GLRX3: variants seen among roughly 807,000 people sequenced by gnomAD.
GLRX3 encodes the protein glutaredoxin 3, also known as glutaredoxin-3.
Under a neutral mutation model 49.5 loss-of-function variants are expected in GLRX3, and 22 were observed. That is an observed-to-expected ratio of 0.44 (90% CI 0.32 to 0.63). The LOEUF (loss-of-function observed/expected upper bound fraction) is 0.63, where lower values mean the gene tolerates loss of function less well. Ranked by LOEUF, GLRX3 falls within the 30% of genes least tolerant of loss-of-function variation. The probability of loss-of-function intolerance (pLI) is 0.05; values close to 1 mark genes in which losing one functional copy is unlikely to be tolerated. For missense variants in GLRX3, 385 were observed against 396.3 expected (o/e 0.97, Z 0.24); for synonymous variants, 133 against 140.0 (o/e 0.95, Z 0.35).
chr10:130,177,392 G>T (rs1862944076), intron 10 of GLRX3, among the ~76,000 whole-genome samples: 1 of 152,152 alleles, frequency 6.6e-6, no homozygotes, highest in Non-Finnish European at 1.5e-5. Context: ...CCACCTGCCG[G>T]CTCGCATTAA....
At position 130,145,302 on chromosome 10, in the gene GLRX3, C is replaced by G. The variant is rs1381719419; in HGVS notation, c.184C>G (p.Gln62Glu). The G allele has an allele frequency of 7.0e-7, 1 of 1,438,398 alleles. No homozygotes were observed. The highest frequency in any genetic ancestry group is 1.7e-5 in the Admixed American group (1 of 59,770). 89.1% of individuals were successfully genotyped at this position (1,438,398 alleles called of 1,614,324 possible). The change falls in exon 2 of 11, where the codon CAA (glutamine) becomes GAA (glutamate). Residue 62 changes from glutamine to glutamate, a missense_variant. Physicochemically the swap from Gln to Glu is conservative, Grantham distance 29. Transcript: ENST00000331244. ...VMAELAKELP[Q>E]VSFVKLEAEG... ...GGCAGAGTTAGCTAAAGAACTCCCTCAAGTTTCATTTGTGAAGGTATTTAT... is the reference window on the plus strand; with the variant it reads ...GGCAGAGTTAGCTAAAGAACTCCCTGAAGTTTCATTTGTGAAGGTATTTAT...
intron 2 of GLRX3, among the ~76,000 whole-genome samples, chr10:130,152,595 G>T (rs1022087883): frequency 6.6e-6 from 1 of 152,130 alleles, no homozygotes; most frequent in Non-Finnish European, 1.5e-5. Context: ...GAAATTCTGG[G>T]TTGAAAATTC....
chr10:130,169,796 T>C (rs1166294245), intron 7 of GLRX3, among the ~76,000 whole-genome samples: 2 of 152,258 alleles, frequency 1.3e-5, no homozygotes, highest in African/African-American at 4.8e-5. Context: ...TGTTTGAGTT[T>C]GTGGACTGCT....
chr10:130,160,612 G>T (rs762340111), intron 3 of GLRX3, among the ~76,000 whole-genome samples, 184 bp from the exon 4 acceptor site: 2 of 152,112 alleles, frequency 1.3e-5, no homozygotes, highest in Non-Finnish European at 2.9e-5. Context: ...TGTTTTCTCA[G>T]TGTGTTTCTG....
At chr10:130,170,439 C>T (rs1862782332) in intron 7 of GLRX3, among the ~76,000 whole-genome samples, 1 of 152,062 alleles carries the variant, frequency 6.6e-6, no homozygotes, top group African/African-American at 2.4e-5. Context: ...AATTAGTTAA[C>T]ATAACTGGTT....
intron 2 of GLRX3, among the ~76,000 whole-genome samples, chr10:130,146,722 G>C (rs1422789121): frequency 6.6e-6 from 1 of 152,126 alleles, no homozygotes; most frequent in African/African-American, 2.4e-5. Context: ...TTTAAAACAA[G>C]AATCTGTGAG....
intron 7 of GLRX3, among the ~76,000 whole-genome samples, 186 bp downstream of exon 7, chr10:130,169,676 A>G (rs113808921): frequency 3.3e-5 from 5 of 152,252 alleles, no homozygotes; most frequent in African/African-American, 1.2e-4. Flanking sequence ...TGACTTTATC[A>G]TCAACATCTC....
At chr10:130,147,584 C>G (rs1862293147) in intron 2 of GLRX3, among the ~76,000 whole-genome samples, 1 of 152,210 alleles carries the variant, frequency 6.6e-6, no homozygotes, top group Non-Finnish European at 1.5e-5. Flanking sequence ...GGAGTCATCA[C>G]TTTCCAGAAA....
intron 7 of GLRX3, 113 bp from the exon 8 acceptor site, chr10:130,171,471 G>C: frequency 7.0e-6 from 5 of 711,440 alleles, no homozygotes; most frequent in Non-Finnish European, 7.7e-6. Context: ...CTGAGTGAAA[G>C]TAGTGGCAGC....
chr10:130,166,730 C>CT, intron 5 of GLRX3, 51 bp downstream of exon 5: 1 of 1,266,958 alleles, frequency 7.9e-7, no homozygotes, highest in Non-Finnish European at 1.1e-6. Flanking sequence ...TTAGAGCATA[C>CT]TTTTTAAAAT....
chr10:130,160,135 T>C, intron 3 of GLRX3, 66 bp downstream of exon 3: 1 of 905,814 alleles, frequency 1.1e-6, no homozygotes, highest in Non-Finnish European at 1.8e-6. Flanking sequence ...CTATTTTGTT[T>C]CTTTACCCTC....
At chr10:130,152,013 G>T (rs1286310576) in intron 2 of GLRX3, among the ~76,000 whole-genome samples, 1 of 151,640 alleles carries the variant, frequency 6.6e-6, no homozygotes, top group Non-Finnish European at 1.5e-5. Context: ...GGTTAATTTT[G>T]TTGTGTGTGA....
chr10:130,160,761 G>A (rs1024011572), intron 3 of GLRX3, 35 bp from the exon 4 acceptor site: 3 of 1,097,758 alleles, frequency 2.7e-6, no homozygotes, highest in South Asian at 2.5e-5. Context: ...ATTATGGAAT[G>A]CTGCATGTAT....
chr10:130,158,085 G>A (rs1862510960), intron 2 of GLRX3, among the ~76,000 whole-genome samples: 1 of 152,170 alleles, frequency 6.6e-6, no homozygotes, highest in African/African-American at 2.4e-5. Flanking sequence ...TCCTCTGGGA[G>A]CTGATTGAGT....
intron 2 of GLRX3, among the ~76,000 whole-genome samples, chr10:130,153,374 A>G (rs549540490): frequency 4.6e-5 from 7 of 152,320 alleles, no homozygotes; most frequent in South Asian, 2.1e-4. Flanking sequence ...GGAGGAGAAG[A>G]GACGTTCTGG....
intron 8 of GLRX3, among the ~76,000 whole-genome samples, chr10:130,173,670 T>C (rs1862858839): frequency 6.6e-6 from 1 of 152,218 alleles, no homozygotes; most frequent in Non-Finnish European, 1.5e-5. Context: ...GTATAACTCA[T>C]TGTTTTTATC....
At chr10:130,162,995 C>T (rs964861927) in intron 4 of GLRX3, among the ~76,000 whole-genome samples, 33 of 152,012 alleles carry the variant, frequency 2.2e-4, no homozygotes, top group Admixed American at 1.0e-3. Context: ...TTCTGCTTAC[C>T]TTTTACTTTA....
At chr10:130,138,149 T>A (rs1862101611) in intron 1 of GLRX3, among the ~76,000 whole-genome samples, 1 of 152,028 alleles carries the variant, frequency 6.6e-6, no homozygotes, top group African/African-American at 2.4e-5. Context: ...CTCTACCTCC[T>A]GGGTTCAAGC....
intron 3 of GLRX3, 88 bp downstream of exon 3, chr10:130,160,157 C>T (rs974725752): frequency 1.4e-5 from 11 of 781,648 alleles, no homozygotes; most frequent in East Asian, 4.9e-5. Flanking sequence ...CTCTAATCCC[C>T]GAATATTAGG....
Sources: gnomAD v4.1 joint callset for allele counts (sites outside exome capture counted in the v4.1 genomes callset) on GRCh38, gnomAD v4.1.1 for gene constraint, MANE v1.5 for transcripts, NCBI Gene and HGNC (gene_info 2026-07-23, HGNC 2026-07-21) for gene names.